PTPRD: variants seen among roughly 807,000 people sequenced by gnomAD.
PTPRD encodes receptor-type tyrosine-protein phosphatase delta.
PTPRD carries 34 observed loss-of-function variants against 214.5 expected under a neutral mutation model. The ratio of observed to expected loss-of-function variants is 0.16; its 90% CI spans 0.12 to 0.21. PTPRD has a LOEUF of 0.21. Among genes scored for constraint, PTPRD ranks in the 10% least tolerant of loss-of-function variants. PTPRD has a pLI of 1.00. For synonymous variants in PTPRD, 1,128 were observed against 845.7 expected (o/e 1.33, Z -5.79); for missense variants, 2,545 against 2,398.7 (o/e 1.06, Z -1.27).
rs112912819 is a variant in PTPRD at position 8,870,996 on chromosome 9, C to T, written c.-103-137050G>A. On this transcript the variant is annotated intron_variant, in intron 11 of 45. Coordinates refer to ENST00000381196, the MANE Select transcript of PTPRD (RefSeq NM_002839.4). ...TGCTGAGAAGAAAAAGCAGACATCCCGTTTGAGACCACTAGGTGCCCCCTC... is the reference window on the plus strand; with the variant it reads ...TGCTGAGAAGAAAAAGCAGACATCCTGTTTGAGACCACTAGGTGCCCCCTC... Among the ~76,000 whole-genome samples the T allele has an allele frequency of 6.9e-3, 1,057 of 152,256 alleles. 5 individuals carry two copies. Among genetic ancestry groups the T allele is most frequent in the Middle Eastern group, 0.02 (6 of 294 alleles).
intron 2 of PTPRD, among the ~76,000 whole-genome samples, chr9:10,357,891 T>C (rs1174228123): frequency 6.6e-6 from 1 of 152,120 alleles, no homozygotes; most frequent in Non-Finnish European, 1.5e-5. Flanking sequence ...GAAAAAGAAT[T>C]ATATAAACAG....
chr9:9,093,484 G>C (rs2099779165), intron 10 of PTPRD, among the ~76,000 whole-genome samples: 1 of 151,772 alleles, frequency 6.6e-6, no homozygotes, highest in Non-Finnish European at 1.5e-5. Flanking sequence ...TGTAAATAAT[G>C]TTTTCTGGTT....
intron 19 of PTPRD, among the ~76,000 whole-genome samples, chr9:8,521,966 A>G (rs182903833): frequency 5.8e-4 from 89 of 152,340 alleles, no homozygotes; most frequent in African/African-American, 2.1e-3. Flanking sequence ...TATCAAAACC[A>G]ACTTCAGTGC....
chr9:9,950,803 A>C (rs2093382938), intron 4 of PTPRD, among the ~76,000 whole-genome samples: 1 of 151,638 alleles, frequency 6.6e-6, no homozygotes, highest in African/African-American at 2.4e-5. Flanking sequence ...CCCCTGAATC[A>C]ATAATGCATC....
intron 6 of PTPRD, among the ~76,000 whole-genome samples, chr9:9,750,999 C>T (rs542753915): frequency 6.6e-6 from 1 of 152,142 alleles, no homozygotes; most frequent in East Asian, 1.9e-4. Flanking sequence ...AAATACAGTG[C>T]CTAATTTTGA....
chr9:8,488,329 C>T (rs909261583), intron 27 of PTPRD, among the ~76,000 whole-genome samples: 3 of 152,198 alleles, frequency 2.0e-5, no homozygotes, highest in African/African-American at 7.2e-5. Flanking sequence ...GAAGATTCAT[C>T]ACATGCTGAT....
chr9:8,687,851 T>C (rs1484946927), intron 12 of PTPRD, among the ~76,000 whole-genome samples: 1 of 152,110 alleles, frequency 6.6e-6, no homozygotes, highest in Non-Finnish European at 1.5e-5. Context: ...CATTTGGAGA[T>C]GATGAGGTTA....
intron 33 of PTPRD, among the ~76,000 whole-genome samples, chr9:8,452,325 C>A: frequency 6.6e-6 from 1 of 152,118 alleles, no homozygotes; most frequent in East Asian, 1.9e-4. Context: ...ATGTGATGTG[C>A]TAGAATGATT....
chr9:10,028,620 C>A (rs1254605812), intron 4 of PTPRD, among the ~76,000 whole-genome samples: 1 of 152,030 alleles, frequency 6.6e-6, no homozygotes, highest in African/African-American at 2.4e-5. Flanking sequence ...CTATTTCTTA[C>A]CAAAGAGACT....
rs2097578550 is a variant in PTPRD, at chr9:10,369,856, G to A, written c.-599-28839C>T. 2.0e-5 allele frequency among the ~76,000 whole-genome samples: 3 copies of A among 151,954 alleles called. No individual in the cohort carries two copies. In the South Asian group the frequency reaches 6.2e-4, roughly 32 times the overall value. On this transcript the variant is annotated intron_variant, in intron 2 of 45. Transcript: ENST00000381196. ...TATCTCTCGGTTAAGTTTTAAGAAA[G>A]CATAAATAGCATGTCATATTAAATA...
At chr9:9,312,060 T>C (rs1274603064) in intron 9 of PTPRD, among the ~76,000 whole-genome samples, 1 of 152,200 alleles carries the variant, frequency 6.6e-6, no homozygotes, top group Non-Finnish European at 1.5e-5. Context: ...TCAATGTGTT[T>C]TCAAATTAAA....
chr9:8,636,676 A>T (rs370701816), intron 13 of PTPRD, 23 bp downstream of exon 13: 233 of 1,611,914 alleles, frequency 1.4e-4, no homozygotes, highest in Non-Finnish European at 1.8e-4. Context: ...TCCCCCAGAG[A>T]AACAGAACAA....
At chr9:8,451,149 G>T (rs1406009432) in intron 33 of PTPRD, among the ~76,000 whole-genome samples, 5 of 152,196 alleles carry the variant, frequency 3.3e-5, no homozygotes, top group Admixed American at 6.5e-5. Context: ...GTGAAGAGAA[G>T]ATTGATACAA....
At chr9:8,691,439 T>C (rs2097798228) in intron 12 of PTPRD, among the ~76,000 whole-genome samples, 1 of 150,234 alleles carries the variant, frequency 6.7e-6, no homozygotes, top group Non-Finnish European at 1.5e-5. Flanking sequence ...CAAATAGTAA[T>C]GTCTGTTTTG....
At chr9:10,375,484 T>C (rs1285472274) in intron 2 of PTPRD, among the ~76,000 whole-genome samples, 2 of 152,018 alleles carry the variant, frequency 1.3e-5, no homozygotes, top group African/African-American at 4.8e-5. Flanking sequence ...GGAGAAGATA[T>C]CTGAAATGTA....
intron 3 of PTPRD, among the ~76,000 whole-genome samples, chr9:10,206,577 G>T (rs1216298990): frequency 6.6e-6 from 1 of 152,158 alleles, no homozygotes; most frequent in African/African-American, 2.4e-5. Context: ...TGAAATACAG[G>T]AACAGTTCTA....
At chr9:9,847,255 G>T (rs1017531078) in intron 5 of PTPRD, among the ~76,000 whole-genome samples, 1 of 151,974 alleles carries the variant, frequency 6.6e-6, no homozygotes, top group East Asian at 1.9e-4. Context: ...TGATTACTTT[G>T]TTATTTTCAC....
At chr9:9,481,565 T>C (rs1159841274) in intron 8 of PTPRD, among the ~76,000 whole-genome samples, 2 of 152,204 alleles carry the variant, frequency 1.3e-5, no homozygotes, top group East Asian at 1.9e-4. Context: ...GAAAAATGAA[T>C]ATAAAAATAA....
At chr9:8,969,606 TAA>T (rs1012704837) in intron 11 of PTPRD, among the ~76,000 whole-genome samples, 3 of 151,948 alleles carry the variant, frequency 2.0e-5, no homozygotes, top group African/African-American at 7.2e-5. Context: ...CTATGTTTTA[TAA>T]AAAAGTATGC....
Sources: gnomAD v4.1 joint callset for allele counts (sites outside exome capture counted in the v4.1 genomes callset) on GRCh38, gnomAD v4.1.1 for gene constraint, MANE v1.5 for transcripts, NCBI Gene and HGNC (gene_info 2026-07-23, HGNC 2026-07-21) for gene names.